The following GBE1 variants were observed in gnomAD, a reference collection of about 807,000 sequenced individuals.
GBE1 encodes 1,4-alpha-glucan-branching enzyme.
In GBE1, 70 loss-of-function variants were observed where a neutral mutation model predicts 88.8. That is an observed-to-expected ratio of 0.79 (90% CI 0.65 to 0.96). The LOEUF is 0.96. Among genes scored for constraint, GBE1 ranks in the 40% least tolerant of loss-of-function variants. The pLI, the probability that GBE1 is intolerant of heterozygous loss-of-function variation, is 0.00. For synonymous variants in GBE1, 284 were observed against 300.1 expected, an observed-to-expected ratio of 0.95 and a Z score of 0.56; for missense variants, 872 against 871.0, an observed-to-expected ratio of 1.00 and a Z score of -0.01.
chr3:81,662,347 T>C (rs1308463047), intron 3 of GBE1, among the ~76,000 whole-genome samples: 2 of 152,200 alleles, frequency 1.3e-5, no homozygotes, highest in African/African-American at 2.4e-5. Context: ...TGCTATTTTA[T>C]TATTCTCAAA....
intron 1 of GBE1, among the ~76,000 whole-genome samples, chr3:81,716,020 ATT>A (rs777746615): frequency 8.7e-4 from 133 of 152,182 alleles, no homozygotes; most frequent in Non-Finnish European, 1.8e-3. Context: ...ACAAGCACAC[ATT>A]GTGTTATTAA....
intron 2 of GBE1, among the ~76,000 whole-genome samples, chr3:81,680,443 C>A (rs978440378): frequency 1.4e-4 from 20 of 147,902 alleles, no homozygotes; most frequent in Admixed American, 6.9e-5. Context: ...TTGCAGTGAG[C>A]TGAGATCACG....
intron 12 of GBE1, among the ~76,000 whole-genome samples, chr3:81,561,893 T>C (rs1049814160): frequency 1.3e-5 from 2 of 152,068 alleles, no homozygotes; most frequent in African/African-American, 2.4e-5. Context: ...AGGATCAGCA[T>C]GGAGGTGAAA....
intron 14 of GBE1, among the ~76,000 whole-genome samples, chr3:81,502,442 A>G (rs1239697396): frequency 6.6e-6 from 1 of 152,194 alleles, no homozygotes; most frequent in East Asian, 1.9e-4. Context: ...TCTGTGTCCA[A>G]TTGTGCAATC....
intron 1 of GBE1, among the ~76,000 whole-genome samples, chr3:81,719,061 T>G (rs1160042499): frequency 6.6e-6 from 1 of 152,188 alleles, no homozygotes; most frequent in Non-Finnish European, 1.5e-5. Context: ...GAAAAAAAAT[T>G]CTGCTCTAGG....
intron 1 of GBE1, among the ~76,000 whole-genome samples, chr3:81,726,090 T>G (rs545330882): frequency 6.6e-6 from 1 of 152,266 alleles, no homozygotes; most frequent in South Asian, 2.1e-4. Context: ...TGAACCACAT[T>G]AATAACTCAG....
chr3:81,505,912 T>A (rs1001585212), intron 14 of GBE1, among the ~76,000 whole-genome samples: 1 of 152,024 alleles, frequency 6.6e-6, no homozygotes, highest in African/African-American at 2.4e-5. Flanking sequence ...TTACACCATA[T>A]ACAAAAATTA....
intron 7 of GBE1, among the ~76,000 whole-genome samples, chr3:81,640,713 T>C (rs975896294): frequency 6.6e-6 from 1 of 151,850 alleles, no homozygotes; most frequent in Non-Finnish European, 1.5e-5. Context: ...ACTAATTCTA[T>C]AAAATGGGAA....
chr3:81,610,791 T>A (rs1704169311), intron 7 of GBE1, among the ~76,000 whole-genome samples: 1 of 152,058 alleles, frequency 6.6e-6, no homozygotes, highest in African/African-American at 2.4e-5. Context: ...TGCTTTCAAG[T>A]TTAGTTTTAT....
intron 6 of GBE1, among the ~76,000 whole-genome samples, chr3:81,643,201 AT>A (rs1704715550): frequency 2.0e-5 from 3 of 152,182 alleles, no homozygotes; most frequent in Non-Finnish European, 2.9e-5. Flanking sequence ...AAATCGGGTT[AT>A]TAAATGTAGA....
At chr3:81,534,076 G>A (rs938726403) in intron 14 of GBE1, among the ~76,000 whole-genome samples, 3 of 152,108 alleles carry the variant, frequency 2.0e-5, no homozygotes, top group African/African-American at 7.2e-5. Flanking sequence ...TGACACATAG[G>A]ACTTCATGTT....
At chr3:81,754,804 CTCA>C (rs1706579452) in intron 1 of GBE1, among the ~76,000 whole-genome samples, 1 of 152,084 alleles carries the variant, frequency 6.6e-6, no homozygotes, top group South Asian at 2.1e-4. Context: ...CCCCTAATAT[CTCA>C]TCATACACAA....
chr3:81,507,431 G>A (rs1186237597), intron 14 of GBE1, among the ~76,000 whole-genome samples: 1 of 151,916 alleles, frequency 6.6e-6, no homozygotes, highest in Non-Finnish European at 1.5e-5. Flanking sequence ...AGGTGTGGTG[G>A]CGGGCACCTG....
At chr3:81,748,428 T>C (rs1295838913) in intron 1 of GBE1, among the ~76,000 whole-genome samples, 2 of 150,736 alleles carry the variant, frequency 1.3e-5, no homozygotes, top group East Asian at 2.0e-4. Flanking sequence ...TGGCTAACAC[T>C]GTGAAACCCC....
At chr3:81,534,567 C>T (rs1703049337) in intron 14 of GBE1, 1 of 152,060 alleles carries the variant, frequency 6.6e-6, no homozygotes. Flanking sequence ...TGCCTTCTTA[C>T]CAATTCAGGC....
chr3:81,640,120 A>T (rs1437645935), intron 7 of GBE1, among the ~76,000 whole-genome samples: 1 of 152,182 alleles, frequency 6.6e-6, no homozygotes, highest in Non-Finnish European at 1.5e-5. Flanking sequence ...ATATTGTTTA[A>T]TAATGTCATG....
chr3:81,529,981 G>A (rs1485216342), intron 14 of GBE1, among the ~76,000 whole-genome samples: 4 of 151,514 alleles, frequency 2.6e-5, no homozygotes, highest in Admixed American at 6.6e-5. Context: ...GCTTTTTTGA[G>A]GCTATTTTCT....
At chr3:81,627,958 T>G (rs1318103216) in intron 7 of GBE1, among the ~76,000 whole-genome samples, 3 of 151,880 alleles carry the variant, frequency 2.0e-5, no homozygotes, top group Non-Finnish European at 4.4e-5. Context: ...CCACATTGCT[T>G]GGCCACATAT....
intron 12 of GBE1, among the ~76,000 whole-genome samples, chr3:81,548,489 A>C (rs540647658): frequency 6.6e-6 from 1 of 151,450 alleles, no homozygotes; most frequent in Non-Finnish European, 1.5e-5. Context: ...AAATTACGTA[A>C]AACTCCTCTA....
Sources: gnomAD v4.1 joint callset for allele counts (sites outside exome capture counted in the v4.1 genomes callset) on GRCh38, gnomAD v4.1.1 for gene constraint, MANE v1.5 for transcripts, NCBI Gene and HGNC (gene_info 2026-07-23, HGNC 2026-07-21) for gene names.